ATRNL1: variants seen among roughly 807,000 people sequenced by gnomAD.
ATRNL1 encodes attractin-like protein 1.
Under a neutral mutation model 182.7 loss-of-function variants are expected in ATRNL1, and 95 were observed. The ratio of observed to expected loss-of-function variants is 0.52; its 90% CI spans 0.44 to 0.62. The LOEUF (loss-of-function observed/expected upper bound fraction) is 0.62, where lower values mean the gene tolerates loss of function less well. ATRNL1 is among the 20% of genes least tolerant of loss of function. ATRNL1 has a pLI of 0.00. For missense variants in ATRNL1, 1,471 were observed against 1,679.5 expected, an observed-to-expected ratio of 0.88 and a Z score of 2.17; for synonymous variants, 576 against 568.3, an observed-to-expected ratio of 1.01 and a Z score of -0.19.
chr10:115,610,583 G>C (rs545936487), intron 26 of ATRNL1, among the ~76,000 whole-genome samples: 10 of 152,116 alleles, frequency 6.6e-5, no homozygotes, highest in Non-Finnish European at 1.5e-4. Flanking sequence ...TGGTGGCTTA[G>C]AGCCAGTTTT....
chr10:115,739,532 C>T (rs1948077926), intron 27 of ATRNL1, among the ~76,000 whole-genome samples: 1 of 152,180 alleles, frequency 6.6e-6, no homozygotes, highest in Non-Finnish European at 1.5e-5. Flanking sequence ...GTATCTCCTG[C>T]ACCCAAGAAC....
At chr10:115,233,513 T>C (rs569172261) in intron 9 of ATRNL1, among the ~76,000 whole-genome samples, 5 of 152,270 alleles carry the variant, frequency 3.3e-5, no homozygotes, top group South Asian at 4.1e-4. Context: ...CTTACAGCTT[T>C]ATATTTTTCT....
intron 24 of ATRNL1, among the ~76,000 whole-genome samples, chr10:115,499,302 C>T (rs1226960907): frequency 6.6e-6 from 1 of 152,158 alleles, no homozygotes; most frequent in Non-Finnish European, 1.5e-5. Flanking sequence ...TAAAATTCTA[C>T]ATATTTTAAC....
chr10:115,189,722 G>A (rs533380456), intron 8 of ATRNL1, among the ~76,000 whole-genome samples: 2 of 152,034 alleles, frequency 1.3e-5, no homozygotes, highest in South Asian at 4.2e-4. Flanking sequence ...AGTGGGCTAA[G>A]GTTAATTTAT....
At chr10:115,661,794 A>T (rs2133905675) in intron 26 of ATRNL1, among the ~76,000 whole-genome samples, 1 of 152,116 alleles carries the variant, frequency 6.6e-6, no homozygotes, top group South Asian at 2.1e-4. Context: ...ATTATACTTT[A>T]AGTTTTAGAG....
chr10:115,542,586 A>T (rs535078897), intron 25 of ATRNL1, among the ~76,000 whole-genome samples: 2 of 152,284 alleles, frequency 1.3e-5, no homozygotes, highest in Admixed American at 1.3e-4. Context: ...GTTGGTGCGT[A>T]GTGTTATGCA....
chr10:115,342,081 TCTTC>T (rs571311204), intron 19 of ATRNL1, among the ~76,000 whole-genome samples: 4 of 152,246 alleles, frequency 2.6e-5, no homozygotes, highest in South Asian at 4.1e-4. Context: ...TGTGTTCTTC[TCTTC>T]CTTCTTTCTT....
At chr10:115,627,068 C>T (rs1592970015) in intron 26 of ATRNL1, among the ~76,000 whole-genome samples, 1 of 152,082 alleles carries the variant, frequency 6.6e-6, no homozygotes, top group Admixed American at 6.6e-5. Context: ...TGAAAATCAA[C>T]CATTTTAAAC....
chr10:115,524,283 T>C (rs566311630), intron 25 of ATRNL1, among the ~76,000 whole-genome samples: 4 of 152,314 alleles, frequency 2.6e-5, no homozygotes, highest in African/African-American at 9.6e-5. Context: ...ATCCAAACTA[T>C]AGCAGTCACC....
chr10:115,139,082 G>T (rs1420781847), intron 5 of ATRNL1, among the ~76,000 whole-genome samples: 1 of 152,176 alleles, frequency 6.6e-6, no homozygotes, highest in African/African-American at 2.4e-5. Flanking sequence ...AGTCACCTTT[G>T]TTCCATTTCC....
At chr10:115,345,697 C>T (rs145914142) in intron 19 of ATRNL1, among the ~76,000 whole-genome samples, 2 of 152,218 alleles carry the variant, frequency 1.3e-5, no homozygotes, top group Non-Finnish European at 2.9e-5. Context: ...TCTCTATCAC[C>T]TTTATCTATT....
intron 27 of ATRNL1, among the ~76,000 whole-genome samples, chr10:115,778,473 G>A (rs1949183518): frequency 6.6e-6 from 1 of 152,168 alleles, no homozygotes; most frequent in Non-Finnish European, 1.5e-5. Context: ...ACACTGAGTT[G>A]GTCTTTAAAG....
intron 27 of ATRNL1, among the ~76,000 whole-genome samples, chr10:115,755,222 G>A (rs1211784402): frequency 6.6e-6 from 1 of 152,182 alleles, no homozygotes; most frequent in Admixed American, 6.5e-5. Flanking sequence ...GAGGAGTGGT[G>A]AGAGAGGGCA....
At chr10:115,738,201 C>T (rs186081454) in intron 27 of ATRNL1, among the ~76,000 whole-genome samples, 43 of 125,486 alleles carry the variant, frequency 3.4e-4, no homozygotes, top group African/African-American at 1.2e-3. Flanking sequence ...TGCACTGGCA[C>T]GATCTCGGCT....
intron 26 of ATRNL1, among the ~76,000 whole-genome samples, chr10:115,720,116 G>C (rs1323832643): frequency 6.6e-6 from 1 of 152,034 alleles, no homozygotes; most frequent in South Asian, 2.1e-4. Context: ...GCCCGCCTTG[G>C]CCTCCCAAAG....
At chr10:115,807,659 T>C (rs949861210) in intron 27 of ATRNL1, among the ~76,000 whole-genome samples, 1 of 152,228 alleles carries the variant, frequency 6.6e-6, no homozygotes, top group Admixed American at 6.5e-5. Flanking sequence ...TTCATTGTCA[T>C]GCTTATGTTC....
chr10:115,916,217 C>T (rs1171256096), intron 28 of ATRNL1, among the ~76,000 whole-genome samples: 3 of 152,232 alleles, frequency 2.0e-5, no homozygotes, highest in Non-Finnish European at 2.9e-5. Context: ...TGGATTGTGA[C>T]TGCTGGGAGG....
chr10:115,462,118 A>G, intron 22 of ATRNL1, 83 bp downstream of exon 22: 2 of 943,972 alleles, frequency 2.1e-6, no homozygotes, highest in South Asian at 3.4e-5. Context: ...ACCTCTTCTC[A>G]GAATTATCAC....
chr10:115,236,484 A>G (rs180696475), intron 9 of ATRNL1, among the ~76,000 whole-genome samples: 7 of 152,358 alleles, frequency 4.6e-5, no homozygotes, highest in Admixed American at 3.9e-4. Context: ...TATGTGAAGT[A>G]TGAGGAACAA....
Sources: allele counts gnomAD v4.1 joint callset (sites outside exome capture counted in the v4.1 genomes callset), GRCh38; gene constraint gnomAD v4.1.1; transcripts MANE v1.5; gene names NCBI Gene and HGNC (gene_info 2026-07-23, HGNC 2026-07-21).